SNAP91: variants seen among roughly 807,000 people sequenced by gnomAD.
The protein encoded by SNAP91 is clathrin coat assembly protein AP180.
SNAP91 carries 27 observed loss-of-function variants against 100.3 expected under a neutral mutation model. The ratio of observed to expected loss-of-function variants is 0.27; its 90% CI spans 0.20 to 0.37. The LOEUF is 0.37. Among genes scored for constraint, SNAP91 ranks in the 10% least tolerant of loss-of-function variants. The pLI is 1.00. For synonymous variants in SNAP91, 404 were observed against 398.6 expected (o/e 1.01, Z -0.16); for missense variants, 986 against 1,123.7 (o/e 0.88, Z 1.75).
chr6:83,670,403 A>T (rs1184168205), intron 2 of SNAP91, among the ~76,000 whole-genome samples: 2 of 151,402 alleles, frequency 1.3e-5, no homozygotes, highest in African/African-American at 4.8e-5. Flanking sequence ...TTTTTATTGG[A>T]TTATTTTATT....
At chr6:83,609,308 G>A (rs1018051564) in intron 12 of SNAP91, among the ~76,000 whole-genome samples, 2 of 151,962 alleles carry the variant, frequency 1.3e-5, no homozygotes, top group Non-Finnish European at 2.9e-5. Flanking sequence ...CCAACCCAAA[G>A]GATGCCACAA....
At chr6:83,689,428 G>A (rs544711731) in intron 2 of SNAP91, among the ~76,000 whole-genome samples, 2 of 151,928 alleles carry the variant, frequency 1.3e-5, no homozygotes, top group African/African-American at 4.8e-5. Context: ...AATATACTAT[G>A]GTCTCTAGTA....
intron 22 of SNAP91, among the ~76,000 whole-genome samples, chr6:83,586,024 A>G (rs2092529675): frequency 1.3e-5 from 2 of 151,724 alleles, no homozygotes; most frequent in Admixed American, 1.3e-4. Flanking sequence ...TAATTTTTGT[A>G]TTTTTAGTAG....
intron 9 of SNAP91, among the ~76,000 whole-genome samples, chr6:83,619,709 G>T (rs2096636979): frequency 6.6e-6 from 1 of 151,978 alleles, no homozygotes; most frequent in Non-Finnish European, 1.5e-5. Context: ...AAAAACATAA[G>T]ATTTTTTTCA....
chr6:83,595,311 A>T (rs2094332268), intron 16 of SNAP91, among the ~76,000 whole-genome samples: 1 of 152,216 alleles, frequency 6.6e-6, no homozygotes, highest in African/African-American at 2.4e-5. Flanking sequence ...TTTTCTAGTT[A>T]TTTGGAAAAT....
rs768319378 is a variant in SNAP91 at position 83,707,948 on chromosome 6, G to A, written c.-21C>T. On this transcript the variant is annotated 5_prime_UTR_variant, in exon 2 of 30. Coordinates refer to ENST00000369694, the MANE Select transcript of SNAP91 (RefSeq NM_001242792.2). ...GACATCTTCTGTGGTCGCGTCTACC[G>A]CCTCCTCTTCTGCAGGAAACAAGGG... is the stretch of plus-strand genomic sequence containing the variant. 19 of 1,561,768 alleles carry A rather than the reference G, an allele frequency of 1.2e-5. No individual in the cohort carries two copies. Among genetic ancestry groups the A allele is most frequent in the Admixed American group, 4.1e-5 (2 of 49,216 alleles).
chr6:83,629,663 G>T (rs1375819637), intron 8 of SNAP91, among the ~76,000 whole-genome samples: 1 of 152,032 alleles, frequency 6.6e-6, no homozygotes, highest in African/African-American at 2.4e-5. Context: ...CTTGGTCAAT[G>T]TTGGTGTATC....
intron 8 of SNAP91, among the ~76,000 whole-genome samples, chr6:83,637,641 C>T (rs565698886): frequency 4.7e-4 from 72 of 152,318 alleles, no homozygotes; most frequent in African/African-American, 1.6e-3. Flanking sequence ...ATGTGGGCTG[C>T]AGGGCTCCCT....
At chr6:83,666,134 A>C (rs907603554) in intron 2 of SNAP91, among the ~76,000 whole-genome samples, 1 of 152,142 alleles carries the variant, frequency 6.6e-6, no homozygotes, top group Non-Finnish European at 1.5e-5. Context: ...GCTTTTGTAG[A>C]ACAACATGCA....
chr6:83,690,928 T>C (rs1382507652), intron 2 of SNAP91, among the ~76,000 whole-genome samples: 1 of 152,104 alleles, frequency 6.6e-6, no homozygotes, highest in African/African-American at 2.4e-5. Context: ...GATGTAGAAA[T>C]TGCTAATATT....
At chr6:83,663,763 T>C (rs957462390) in intron 3 of SNAP91, among the ~76,000 whole-genome samples, 19 of 152,144 alleles carry the variant, frequency 1.2e-4, no homozygotes, top group African/African-American at 4.3e-4. Context: ...TTCATGAAGG[T>C]GGCTACATGA....
At chr6:83,700,941 G>C (rs1230808360) in intron 2 of SNAP91, among the ~76,000 whole-genome samples, 1 of 152,162 alleles carries the variant, frequency 6.6e-6, no homozygotes, top group Non-Finnish European at 1.5e-5. Flanking sequence ...TTTGAGGGAT[G>C]AGGGATAACT....
chr6:83,702,676 A>G (rs1488244788), intron 2 of SNAP91, among the ~76,000 whole-genome samples: 2 of 152,118 alleles, frequency 1.3e-5, no homozygotes, highest in Non-Finnish European at 2.9e-5. Context: ...TTATTCTAAG[A>G]AAGTATCTGC....
rs1056233044 is a variant in SNAP91 at position 83,647,026 on chromosome 6, C to T, written c.659-5824G>A. Among the ~76,000 whole-genome samples the T allele has an allele frequency of 6.0e-5, 9 of 150,616 alleles. 1 individual carries two copies. Among genetic ancestry groups the T allele is most frequent in the Admixed American group, 3.3e-4 (5 of 15,144 alleles). On this transcript the variant is annotated intron_variant, in intron 7 of 29. Coordinates refer to ENST00000369694, the MANE Select transcript of SNAP91 (RefSeq NM_001242792.2). The stretch of plus-strand genomic sequence containing the variant: ...TATCAGAAAGCCACTGACTTTTGTA[C>T]ATTAACCATTTTTTCTTGCAACCTT...
intron 2 of SNAP91, among the ~76,000 whole-genome samples, chr6:83,675,022 T>C (rs1382537592): frequency 1.3e-5 from 2 of 152,206 alleles, no homozygotes; most frequent in East Asian, 3.9e-4. Context: ...TACTGACGGT[T>C]TAGGTGGGAG....
Position 83,645,969 on chromosome 6 carries a change from C to T in SNAP91, c.659-4767G>A, listed in dbSNP as rs145892362. Among the ~76,000 whole-genome samples the T allele has an allele frequency of 1.0e-3, 158 of 152,290 alleles. 3 individuals carry two copies. The East Asian group carries it at 0.028, about 27-fold the overall frequency. The stretch of plus-strand genomic sequence containing the variant: ...GTAATATGCATTTAAGATTCCTTCA[C>T]GCCTTTTCATGGATTGATATTGCAT... On this transcript the variant is annotated intron_variant, in intron 7 of 29. Coordinates refer to ENST00000369694, the MANE Select transcript of SNAP91 (RefSeq NM_001242792.2).
intron 9 of SNAP91, 47 bp from the exon 10 acceptor site, chr6:83,617,086 T>A: frequency 8.0e-6 from 10 of 1,253,476 alleles, no homozygotes; most frequent in Non-Finnish European, 1.0e-5. Flanking sequence ...TTACTTTCAA[T>A]GTAAACACAC....
intron 23 of SNAP91, among the ~76,000 whole-genome samples, chr6:83,581,902 C>A (rs1423367018): frequency 6.6e-6 from 1 of 152,156 alleles, no homozygotes; most frequent in Non-Finnish European, 1.5e-5. Flanking sequence ...AGATTTAGTA[C>A]AAAGTATCTG....
chr6:83,616,641 A>T (rs1385879083), intron 10 of SNAP91, among the ~76,000 whole-genome samples: 1 of 152,136 alleles, frequency 6.6e-6, no homozygotes, highest in Admixed American at 6.5e-5. Context: ...GTTTTCACTC[A>T]TGTCCAATGA....
Sources: gnomAD v4.1 joint callset for allele counts (sites outside exome capture counted in the v4.1 genomes callset) on GRCh38, gnomAD v4.1.1 for gene constraint, MANE v1.5 for transcripts, NCBI Gene and HGNC (gene_info 2026-07-23, HGNC 2026-07-21) for gene names.